The following CNTNAP5 variants were observed in gnomAD, a reference collection of about 807,000 sequenced individuals.
The protein encoded by CNTNAP5 is contactin associated protein family member 5.
Under a neutral mutation model 150.2 loss-of-function variants are expected in CNTNAP5, and 72 were observed. The observed-to-expected ratio is 0.48, with a 90% CI of 0.40 to 0.58. The LOEUF is 0.58. CNTNAP5 is among the 20% of genes least tolerant of loss of function. CNTNAP5 has a pLI of 0.00. For missense variants in CNTNAP5, 1,636 were observed against 1,626.2 expected (o/e 1.01, Z -0.10); for synonymous variants, 672 against 619.8 (o/e 1.08, Z -1.25).
chr2:124,597,567 C>T (rs184898631), intron 11 of CNTNAP5, among the ~76,000 whole-genome samples: 135 of 151,252 alleles, frequency 8.9e-4, no homozygotes, highest in African/African-American at 3.1e-3. Flanking sequence ...TCTCTGGCTG[C>T]CCTTAACATT....
chr2:124,827,812 A>C (rs757259385), intron 19 of CNTNAP5, among the ~76,000 whole-genome samples: 1 of 152,172 alleles, frequency 6.6e-6, no homozygotes, highest in African/African-American at 2.4e-5. Flanking sequence ...GTAATACTTA[A>C]GGCAGGTGAG....
chr2:124,550,715 C>T (rs79510046), intron 10 of CNTNAP5, among the ~76,000 whole-genome samples: 2,317 of 152,200 alleles, frequency 0.015, 60 homozygotes, highest in African/African-American at 0.053. Context: ...TGGATCACTT[C>T]TAGGTCACTG....
chr2:124,773,695 T>G (rs1282146017), intron 17 of CNTNAP5, among the ~76,000 whole-genome samples: 1 of 152,054 alleles, frequency 6.6e-6, no homozygotes, highest in South Asian at 2.1e-4. Context: ...TCAGGTATCT[T>G]GTTAGATAGT....
At chr2:124,195,022 A>T (rs890192505) in intron 1 of CNTNAP5, among the ~76,000 whole-genome samples, 4 of 149,586 alleles carry the variant, frequency 2.7e-5, no homozygotes, top group African/African-American at 4.9e-5. Flanking sequence ...GGCCAAATAG[A>T]TCACAAGTGC....
At position 124,600,731 on chromosome 2, in the gene CNTNAP5, CAGAGAGAGAGAGAGAG is replaced by C. The variant is rs374118230; in HGVS notation, c.1757-9048_1757-9033del. On this transcript the variant is annotated intron_variant, in intron 11 of 23. Coordinates refer to ENST00000682447, the MANE Select transcript of CNTNAP5 (RefSeq NM_001367498.1). ...ACCCCCAAAATACAACAACAATACT[CAGAGAGAGAGAGAGAG>C]AGAGAGAGAGAGAGAGAGAGAAAGA... Among the ~76,000 whole-genome samples, 187 of 124,152 alleles carry C rather than the reference CAGAGAGAGAGAGAGAG, an allele frequency of 1.5e-3. 1 individual carries two copies. The highest frequency in any genetic ancestry group is 5.8e-3 in the African/African-American group (182 of 31,606). The allele number at this position is 124,152 out of a possible 152,430, so 81.4% of individuals were successfully genotyped here. A position where few individuals can be genotyped will look rare whatever the true frequency, so the allele number is the denominator to read the frequency against.
intron 3 of CNTNAP5, among the ~76,000 whole-genome samples, chr2:124,340,290 T>C (rs1350137271): frequency 6.6e-6 from 1 of 152,214 alleles, no homozygotes; most frequent in African/African-American, 2.4e-5. Context: ...CAGATTTCTC[T>C]TACTGTTATA....
Position 124,085,862 on chromosome 2 carries a change from C to A in CNTNAP5, c.82+60130C>A, listed in dbSNP as rs566087776. On this transcript the variant is annotated intron_variant, in intron 1 of 23. Transcript: ENST00000682447. ...TATTCTATTTCCGTCAAATAATACACGCTACTTGATTTCAATTATTTTTAA... is the reference window on the plus strand; with the variant it reads ...TATTCTATTTCCGTCAAATAATACAAGCTACTTGATTTCAATTATTTTTAA... Among the ~76,000 whole-genome samples the A allele has an allele frequency of 3.9e-5, 6 of 152,284 alleles. No individual in the cohort carries two copies. In the South Asian group the frequency reaches 1.0e-3, roughly 26 times the overall value.
At chr2:124,729,628 A>G (rs1303640661) in intron 13 of CNTNAP5, among the ~76,000 whole-genome samples, 1 of 152,092 alleles carries the variant, frequency 6.6e-6, no homozygotes, top group Non-Finnish European at 1.5e-5. Context: ...CCTTCTTAGC[A>G]ATACAAAAAT....
intron 22 of CNTNAP5, among the ~76,000 whole-genome samples, chr2:124,907,200 A>G (rs1380864897): frequency 6.6e-6 from 1 of 152,156 alleles, no homozygotes; most frequent in East Asian, 1.9e-4. Context: ...AGGGTTTGCA[A>G]TGTTCAGAAG....
chr2:124,500,240 CA>C (rs371845621), intron 7 of CNTNAP5, among the ~76,000 whole-genome samples: 76 of 152,210 alleles, frequency 5.0e-4, no homozygotes, highest in African/African-American at 1.7e-3. Context: ...CACCTCATGG[CA>C]CAGTCGAGCT....
intron 12 of CNTNAP5, among the ~76,000 whole-genome samples, chr2:124,635,048 G>A (rs1163930030): frequency 6.6e-6 from 1 of 152,134 alleles, no homozygotes; most frequent in Non-Finnish European, 1.5e-5. Flanking sequence ...ATTTTCTACA[G>A]TAGTCCATTC....
At chr2:124,306,586 G>A (rs1368321251) in intron 3 of CNTNAP5, among the ~76,000 whole-genome samples, 1 of 152,112 alleles carries the variant, frequency 6.6e-6, no homozygotes, top group Non-Finnish European at 1.5e-5. Context: ...AGTGTGCACT[G>A]CACAGGTTCT....
chr2:124,228,337 T>C (rs149991248), intron 2 of CNTNAP5, among the ~76,000 whole-genome samples: 83 of 152,280 alleles, frequency 5.5e-4, no homozygotes, highest in African/African-American at 1.9e-3. Context: ...GGTGAATATT[T>C]CTACTGATTC....
chr2:124,699,792 T>TTTCTTTTC (rs1553432716), intron 13 of CNTNAP5, among the ~76,000 whole-genome samples: 1 of 149,704 alleles, frequency 6.7e-6, no homozygotes, highest in African/African-American at 2.5e-5. Flanking sequence ...CCTTTCTTTC[T>TTTCTTTTC]TTTCTTTCTT....
chr2:124,294,546 T>C (rs2104637831), intron 3 of CNTNAP5, among the ~76,000 whole-genome samples: 1 of 152,248 alleles, frequency 6.6e-6, no homozygotes, highest in South Asian at 2.1e-4. Context: ...GGATCAAGCT[T>C]GGCAGTTTGA....
At chr2:124,430,526 A>G (rs1470650320) in intron 4 of CNTNAP5, among the ~76,000 whole-genome samples, 1 of 152,192 alleles carries the variant, frequency 6.6e-6, no homozygotes, top group Non-Finnish European at 1.5e-5. Context: ...AGAAAGGAAC[A>G]GAAGATGAGG....
chr2:124,183,304 T>G (rs74590701), intron 1 of CNTNAP5, among the ~76,000 whole-genome samples: 2 of 152,210 alleles, frequency 1.3e-5, no homozygotes, highest in African/African-American at 4.8e-5. Context: ...TGTTATAGTG[T>G]TAGCTCCAGA....
chr2:124,749,191 G>A (rs1001480294), intron 14 of CNTNAP5, among the ~76,000 whole-genome samples: 28 of 152,188 alleles, frequency 1.8e-4, no homozygotes, highest in African/African-American at 5.3e-4. Context: ...GCTCCCAATC[G>A]CTTGGATTCA....
intron 19 of CNTNAP5, among the ~76,000 whole-genome samples, chr2:124,828,002 C>T (rs1234117394): frequency 6.6e-6 from 1 of 152,142 alleles, no homozygotes; most frequent in East Asian, 1.9e-4. Context: ...GCTGCTCTTC[C>T]TTTGAGTTGC....
Sources: allele counts gnomAD v4.1 joint callset (sites outside exome capture counted in the v4.1 genomes callset), GRCh38; gene constraint gnomAD v4.1.1; transcripts MANE v1.5; gene names NCBI Gene and HGNC (gene_info 2026-07-23, HGNC 2026-07-21).